The following BBS1 variants were observed in gnomAD, a reference collection of about 807,000 sequenced individuals.
BBS1 encodes the protein Bardet-Biedl syndrome 1.
BBS1 carries 60 observed loss-of-function variants against 73.9 expected under a neutral mutation model. The ratio of observed to expected loss-of-function variants is 0.81; its 90% CI spans 0.66 to 1.01. The LOEUF (loss-of-function observed/expected upper bound fraction) is 1.01, where lower values mean the gene tolerates loss of function less well. Ranked by LOEUF, BBS1 falls within the 50% of genes least tolerant of loss-of-function variation. The probability of loss-of-function intolerance (pLI) is 0.00; values close to 1 mark genes in which losing one functional copy is unlikely to be tolerated. For missense variants in BBS1, 718 were observed against 770.3 expected (o/e 0.93, Z 0.80); for synonymous variants, 283 against 317.4 (o/e 0.89, Z 1.15).
At chr11:66,521,117 A>C (rs944741812) in intron 8 of BBS1, 153 bp from the exon 9 acceptor site, 1 of 701,802 alleles carries the variant, frequency 1.4e-6, no homozygotes, top group Non-Finnish European at 2.6e-6. Context: ...TGTTGCCCCA[A>C]GTTTCCCTCC....
chr11:66,525,448 C>T (rs996081387), intron 11 of BBS1, among the ~76,000 whole-genome samples: 4 of 151,912 alleles, frequency 2.6e-5, no homozygotes, highest in African/African-American at 9.7e-5. Flanking sequence ...TGCCTATAAT[C>T]GCATCTACTG....
At chr11:66,529,220 TG>T in intron 13 of BBS1, 1 of 1,483,492 alleles carries the variant, frequency 6.7e-7, no homozygotes, top group South Asian at 1.3e-5. Context: ...GGAGGTGGCT[TG>T]GGGAAGAGTC....
At chr11:66,526,384 G>A (rs59642177) in intron 12 of BBS1, among the ~76,000 whole-genome samples, 192 bp downstream of exon 12, 3 of 152,318 alleles carry the variant, frequency 2.0e-5, no homozygotes, top group Non-Finnish European at 2.9e-5. Context: ...GGCTGGATTC[G>A]ATCTTTCTAG....
At position 66,511,215 on chromosome 11, in the gene BBS1, T is replaced by C; in HGVS notation, c.135T>C (p.Asp45=). The C allele has an allele frequency of 6.2e-7, 1 of 1,613,948 alleles. No homozygotes were observed. Among genetic ancestry groups the C allele is most frequent in the Non-Finnish European group, 8.5e-7 (1 of 1,179,994 alleles). ...CCTTTTGTTTTCCAGCGCTGGCAGA[T>C]TTACATGGGGATGGGGAATACAAGG... ...HTFSACLALA[D]LHGDGEYKLV... Residue 45 remains aspartate, a synonymous_variant, in exon 3 of 17, where the codon GAT becomes GAC. Coordinates refer to ENST00000318312, the MANE Select transcript of BBS1 (RefSeq NM_024649.5).
rs1208056864 is a variant in BBS1, at chr11:66,523,474, G to A, written c.849G>A (p.Lys283=). The change falls in exon 10 of 17, where the codon AAG becomes AAA. Residue 283 remains lysine (K), a synonymous_variant. Transcript: ENST00000318312. ...YILRRDSKHP[K]YCIELSAQPV... ...TCCACAGAGACTCCAAGCACCCCAA[G>A]TACTGCATCGAGCTGAGCGCCCAGC... 1.1e-5 allele frequency: 17 copies of A among 1,614,016 alleles called. No individual in the cohort carries two copies. Among genetic ancestry groups the A allele is most frequent in the Non-Finnish European group, 1.4e-5 (16 of 1,180,024 alleles).
At chr11:66,519,513 C>T in intron 7 of BBS1, 104 bp from the exon 8 acceptor site, 1 of 1,512,382 alleles carries the variant, frequency 6.6e-7, no homozygotes, top group Admixed American at 1.8e-5. Flanking sequence ...GATATTTCCT[C>T]TTCATCCTCC....
chr11:66,522,637 C>T (rs566635365), intron 9 of BBS1, among the ~76,000 whole-genome samples: 81 of 152,314 alleles, frequency 5.3e-4, no homozygotes, highest in African/African-American at 1.8e-3. Flanking sequence ...TAAGCCACCA[C>T]ACCCGGCCTA....
intron 11 of BBS1, chr11:66,524,104 A>AC: frequency 4.9e-6 from 3 of 607,476 alleles, no homozygotes; most frequent in Non-Finnish European, 8.8e-6. Context: ...ACATGGCATA[A>AC]CCCCCTTGCT....
chr11:66,521,376 G>A lies in BBS1; in HGVS notation c.830G>A (p.Arg277Lys), dbSNP rs1856209517. 7 of 1,613,446 alleles carry A rather than the reference G, an allele frequency of 4.3e-6. No homozygotes were observed. The highest frequency in any genetic ancestry group is 5.9e-6 in the Non-Finnish European group (7 of 1,179,484). ...CRNGNIYILR[R>K]DSKHPKYCIE... The stretch of plus-strand genomic sequence containing the variant: ...AATGGAAACATCTATATTCTGAGAA[G>A]GTAGCCACATCCGTGGTCTCCGGGG... The change falls in exon 9 of 17, where the codon AGA (arginine) becomes AAA (lysine). Residue 277 changes from arginine to lysine, a missense_variant and splice_region_variant. Arg to Lys is a conservative substitution (Grantham distance 26). Transcript: ENST00000318312.
chr11:66,529,477 G>C (rs746810619), intron 13 of BBS1: 19 of 744,530 alleles, frequency 2.6e-5, no homozygotes, highest in Non-Finnish European at 9.5e-6. Context: ...GCTGTGGCAG[G>C]ACATGGATTG....
rs556649796 is a variant in BBS1, at chr11:66,518,319, A to AT, written c.592-1297dup. 1.6e-4 allele frequency among the ~76,000 whole-genome samples: 24 copies of AT among 150,546 alleles called. No individual in the cohort carries two copies. The South Asian group carries it at 4.2e-3, about 27-fold the overall frequency. On this transcript the variant is annotated intron_variant, in intron 7 of 16. Coordinates refer to ENST00000318312, the MANE Select transcript of BBS1 (RefSeq NM_024649.5). ...GTCACCCAGGCTGGAGTGCAATGGC[A>AT]TGATCTCAGCTCACTGCAACCTCCA...
At chr11:66,510,936 C>T (rs1052999330) in intron 1 of BBS1, 77 bp from the exon 2 acceptor site, 1 of 1,509,896 alleles carries the variant, frequency 6.6e-7, no homozygotes, top group Non-Finnish European at 9.2e-7. Context: ...TTCAGAGTGA[C>T]CTGTACCAGC....
intron 13 of BBS1, chr11:66,529,127 A>C (rs896847835): frequency 1.5e-5 from 15 of 980,624 alleles, no homozygotes; most frequent in Admixed American, 6.4e-5. Flanking sequence ...TCACACATAA[A>C]CGGAAGAGCG....
intron 13 of BBS1, chr11:66,529,222 G>C (rs1856655177): frequency 3.4e-6 from 5 of 1,489,090 alleles, no homozygotes; most frequent in Non-Finnish European, 4.5e-6. Context: ...AGGTGGCTTG[G>C]GGAAGAGTCA....
intron 13 of BBS1, chr11:66,527,668 C>CAAAAAA (rs58165767): frequency 3.5e-5 from 2 of 57,958 alleles, no homozygotes; most frequent in East Asian, 5.6e-4. Context: ...GACTCCGTCT[C>CAAAAAA]AAAAAAAAAA....
At chr11:66,529,084 A>G (rs1449474122) in intron 13 of BBS1, 4 of 985,332 alleles carry the variant, frequency 4.1e-6, no homozygotes, top group Non-Finnish European at 3.6e-6. Context: ...AAAAGCACAT[A>G]AAATGTGAAA....
intron 7 of BBS1, among the ~76,000 whole-genome samples, chr11:66,518,521 A>G (rs995114323): frequency 6.7e-6 from 1 of 149,570 alleles, no homozygotes; most frequent in African/African-American, 2.5e-5. Flanking sequence ...GCTGGAGTAC[A>G]GTGGTGCAAT....
chr11:66,512,036 A>ATATATGTATATATATG (rs1565280757), intron 3 of BBS1, among the ~76,000 whole-genome samples: 1 of 147,074 alleles, frequency 6.8e-6, no homozygotes, highest in African/African-American at 2.5e-5. Context: ...ATATATGTAT[A>ATATATGTATATATATG]TATATGTATA....
chr11:66,532,385 C>T lies in BBS1; in HGVS notation c.*348C>T, dbSNP rs1856824086. On this transcript the variant is annotated 3_prime_UTR_variant, in exon 17 of 17. Transcript: ENST00000318312. ...GACAGGCCCAGCCTTTCTCCACTGC[C>T]ACGTCCCTCATGCACATCACTCATC... The T allele has an allele frequency of 1.0e-5, 3 of 300,504 alleles. No homozygotes were observed. In the South Asian group the frequency reaches 1.5e-4, roughly 16 times the overall value. 18.6% of individuals were successfully genotyped at this position (300,504 alleles called of 1,614,324 possible).
Sources: allele counts gnomAD v4.1 joint callset (sites outside exome capture counted in the v4.1 genomes callset), GRCh38; gene constraint gnomAD v4.1.1; transcripts MANE v1.5; gene names NCBI Gene and HGNC (gene_info 2026-07-23, HGNC 2026-07-21).